TCF4: variants seen among roughly 807,000 people sequenced by gnomAD.
TCF4 encodes the protein SL3-3 enhancer factor 2.
TCF4 carries 3 observed loss-of-function variants against 82.1 expected under a neutral mutation model. That is an observed-to-expected ratio of 0.04 (90% confidence interval 0.02 to 0.09). TCF4 has a LOEUF of 0.09. Among genes scored for constraint, TCF4 ranks in the 10% least tolerant of loss-of-function variants. TCF4 has a pLI of 1.00. For missense variants in TCF4, 518 were observed against 852.7 expected (o/e 0.61, Z 4.89); for synonymous variants, 276 against 309.6 (o/e 0.89, Z 1.14).
At chr18:55,273,489 T>C (rs995364194) in intron 10 of TCF4, among the ~76,000 whole-genome samples, 4 of 152,158 alleles carry the variant, frequency 2.6e-5, no homozygotes, top group Admixed American at 2.0e-4. Flanking sequence ...CAAAGTATTG[T>C]CAGTGTCAGA....
chr18:55,244,686 A>G (rs1291403963), intron 15 of TCF4, among the ~76,000 whole-genome samples: 1 of 152,162 alleles, frequency 6.6e-6, no homozygotes, highest in Admixed American at 6.5e-5. Flanking sequence ...CCTCAGTTCT[A>G]TATCTCAAGG....
At chr18:55,499,994 C>T (rs1422907611) in intron 3 of TCF4, among the ~76,000 whole-genome samples, 2 of 151,930 alleles carry the variant, frequency 1.3e-5, no homozygotes, top group Non-Finnish European at 2.9e-5. Context: ...ACCAGCCTGG[C>T]CAACATGGTG....
intron 3 of TCF4, among the ~76,000 whole-genome samples, chr18:55,529,537 T>C (rs1008096091): frequency 1.3e-5 from 2 of 152,184 alleles, no homozygotes; most frequent in African/African-American, 2.4e-5. Flanking sequence ...ATCAAGTTAG[T>C]TATGCCTCCA....
chr18:55,557,961 T>G (rs2097319032), intron 3 of TCF4, among the ~76,000 whole-genome samples: 1 of 152,142 alleles, frequency 6.6e-6, no homozygotes, highest in South Asian at 2.1e-4. Context: ...TGCCAGAACT[T>G]GGGGAGACCA....
intron 6 of TCF4, among the ~76,000 whole-genome samples, chr18:55,361,494 T>C (rs1222575752): frequency 3.9e-5 from 6 of 152,244 alleles, no homozygotes; most frequent in African/African-American, 1.4e-4. Context: ...AACGTTTCTC[T>C]GCACTTTTAC....
intron 3 of TCF4, among the ~76,000 whole-genome samples, chr18:55,511,314 G>C (rs1216080585): frequency 2.6e-5 from 3 of 115,916 alleles, no homozygotes; most frequent in Non-Finnish European, 5.1e-5. Context: ...GTAGGTAATA[G>C]AGTAATTCCA....
intron 9 of TCF4, 141 bp from the exon 10 acceptor site, chr18:55,275,893 T>A: frequency 1.9e-6 from 2 of 1,052,814 alleles, no homozygotes; most frequent in Non-Finnish European, 2.9e-6. Context: ...CAGAAGACAG[T>A]CATCATTTCT....
chr18:55,330,715 AC>A (rs2077412964), intron 8 of TCF4, among the ~76,000 whole-genome samples: 1 of 150,790 alleles, frequency 6.6e-6, no homozygotes, highest in Non-Finnish European at 1.5e-5. Context: ...ACCAGCATGC[AC>A]CACTACCACG....
At chr18:55,448,381 C>T (rs1040380206) in intron 5 of TCF4, among the ~76,000 whole-genome samples, 2 of 152,104 alleles carry the variant, frequency 1.3e-5, no homozygotes, top group Non-Finnish European at 2.9e-5. Flanking sequence ...ATTAATTATC[C>T]GCCTAAATGT....
chr18:55,401,674 CACAG>C (rs1395984453), intron 6 of TCF4: 24 of 987,096 alleles, frequency 2.4e-5, no homozygotes, highest in Middle Eastern at 1.0e-3. Context: ...TCTGCACATA[CACAG>C]ACAGACTCAC....
At chr18:55,585,642 G>T in intron 2 of TCF4, 1 of 608,770 alleles carries the variant, frequency 1.6e-6, no homozygotes. Context: ...TCAAGATTCA[G>T]GTTGGAGGCC....
At chr18:55,524,464 T>C (rs1330203212) in intron 3 of TCF4, among the ~76,000 whole-genome samples, 1 of 152,192 alleles carries the variant, frequency 6.6e-6, no homozygotes, top group Non-Finnish European at 1.5e-5. Context: ...GGTATCTTGC[T>C]AATCATTTTC....
At chr18:55,332,547 G>C (rs888231195) in intron 8 of TCF4, among the ~76,000 whole-genome samples, 23 of 152,126 alleles carry the variant, frequency 1.5e-4, no homozygotes, top group Admixed American at 1.3e-4. Flanking sequence ...TCTGCAAGGA[G>C]AATCAGTGGT....
chr18:55,615,765 CT>C (rs2097711146), intron 2 of TCF4, among the ~76,000 whole-genome samples: 1 of 151,992 alleles, frequency 6.6e-6, no homozygotes, highest in Non-Finnish European at 1.5e-5. Context: ...AATGAATTTT[CT>C]TTAAAATTTT....
chr18:55,581,103 C>T (rs1266500866), intron 3 of TCF4, among the ~76,000 whole-genome samples: 2 of 151,892 alleles, frequency 1.3e-5, no homozygotes, highest in Non-Finnish European at 2.9e-5. Flanking sequence ...CAGCTCCAAA[C>T]CTAAAAAAGT....
chr18:55,483,035 A>C (rs970428300), intron 3 of TCF4: 14 of 152,184 alleles, frequency 9.2e-5, no homozygotes, highest in Admixed American at 2.0e-4. Flanking sequence ...CTGAAGAAAA[A>C]GCTGCATAAA....
intron 3 of TCF4, among the ~76,000 whole-genome samples, chr18:55,466,104 G>A (rs573174485): frequency 6.6e-6 from 1 of 152,292 alleles, no homozygotes; most frequent in Admixed American, 6.5e-5. Flanking sequence ...GACAGTTTTG[G>A]TTGTCACAAT....
At chr18:55,303,358 T>C (rs896868120) in intron 8 of TCF4, among the ~76,000 whole-genome samples, 1 of 152,082 alleles carries the variant, frequency 6.6e-6, no homozygotes, top group African/African-American at 2.4e-5. Flanking sequence ...TGAAAGTTTA[T>C]ATGTAGGATT....
chr18:55,433,763 C>T (rs1009553309), intron 5 of TCF4, among the ~76,000 whole-genome samples: 5 of 152,328 alleles, frequency 3.3e-5, no homozygotes, highest in Admixed American at 3.3e-4. Flanking sequence ...TAGTGGCTCC[C>T]CAGGCTTTTC....
Sources: allele counts gnomAD v4.1 joint callset (sites outside exome capture counted in the v4.1 genomes callset), GRCh38; gene constraint gnomAD v4.1.1; transcripts MANE v1.5; gene names NCBI Gene and HGNC (gene_info 2026-07-23, HGNC 2026-07-21).